The following ARHGEF38 variants were observed in gnomAD, a reference collection of about 807,000 sequenced individuals.
ARHGEF38 encodes the protein Rho guanine nucleotide exchange factor (GEF) 38.
In ARHGEF38, 79 loss-of-function variants were observed where a neutral mutation model predicts 79.9. The observed-to-expected ratio is 0.99, with a 90% confidence interval of 0.82 to 1.19. The LOEUF is 1.19. Ranked by LOEUF, ARHGEF38 falls within the 50% of genes most tolerant of loss-of-function variation. ARHGEF38 has a pLI of 0.00. For missense variants in ARHGEF38, 962 were observed against 907.2 expected, an observed-to-expected ratio of 1.06 and a Z score of -0.78; for synonymous variants, 366 against 328.3, an observed-to-expected ratio of 1.11 and a Z score of -1.24.
chr4:105,556,137 G>A (rs1725240698), intron 1 of ARHGEF38, among the ~76,000 whole-genome samples: 1 of 152,078 alleles, frequency 6.6e-6, no homozygotes, highest in Non-Finnish European at 1.5e-5. Flanking sequence ...CTTGTTCTTT[G>A]AAATTAATTT....
Position 105,667,396 on chromosome 4 carries a change from G to A in ARHGEF38, c.1889-48G>A, listed in dbSNP as rs1050851966. ...TTTTCTGAGGGCACATGTTTGGGAA[G>A]AGTATACCCATGAACTTGGTTCTTC... On this transcript the variant is annotated intron_variant, in intron 12 of 13. Coordinates refer to ENST00000420470, the MANE Select transcript of ARHGEF38 (RefSeq NM_001242729.2). 1.4e-5 allele frequency: 22 copies of A among 1,533,946 alleles called. No homozygotes were observed. The African/African-American group carries it at 2.9e-4, about 20-fold the overall frequency.
chr4:105,593,127 T>A (rs1727417775), intron 2 of ARHGEF38, among the ~76,000 whole-genome samples: 1 of 152,190 alleles, frequency 6.6e-6, no homozygotes, highest in African/African-American at 2.4e-5. Context: ...TATTTTAAAA[T>A]TAAATATAAA....
intron 13 of ARHGEF38, among the ~76,000 whole-genome samples, chr4:105,668,650 A>G (rs1037655639): frequency 1.4e-5 from 2 of 147,062 alleles, no homozygotes; most frequent in African/African-American, 2.5e-5. Flanking sequence ...GAGGTTATGT[A>G]TATGTATATG....
In ARHGEF38 at chr4:105,557,964, T is replaced by C. The variant is rs191160337; in HGVS notation, c.196+5003T>C. On this transcript the variant is annotated intron_variant, in intron 1 of 13. Transcript: ENST00000420470. ...AGGTGAGAATACATGGGTAAAATGC[T>C]ATTACCCATTACCACTGCCGGTAAC... 1.2e-3 allele frequency among the ~76,000 whole-genome samples: 190 copies of C among 152,304 alleles called. 1 individual carries two copies. The highest frequency in any genetic ancestry group is 5.0e-3 in the East Asian group (26 of 5,182).
At chr4:105,562,149 A>C (rs1453868165) in intron 1 of ARHGEF38, among the ~76,000 whole-genome samples, 1 of 152,194 alleles carries the variant, frequency 6.6e-6, no homozygotes, top group African/African-American at 2.4e-5. Flanking sequence ...GCTATTGAGC[A>C]TCTCCAGCTC....
At chr4:105,558,035 C>T (rs17035775) in intron 1 of ARHGEF38, among the ~76,000 whole-genome samples, 13,142 of 152,046 alleles carry the variant, frequency 0.086, 1,013 homozygotes, top group African/African-American at 0.21. Flanking sequence ...TCTGTGGTAC[C>T]TTCTATTTTT....
At position 105,677,918 on chromosome 4, in the gene ARHGEF38, GA is replaced by G; in HGVS notation, c.2318del (p.Lys773ArgfsTer2). On this transcript the variant is annotated frameshift_variant, in exon 14 of 14. Coordinates refer to ENST00000420470, the MANE Select transcript of ARHGEF38 (RefSeq NM_001242729.2). LOFTEE classifies it high-confidence loss of function. ...GGATACGTGCCAGCTAACTACCTTG[GA>G]AAGATGACTTATGCTTAAGAAAATA... ...QKGYVPANYL[G>X]KMTYA 3 of 1,524,540 alleles carry G rather than the reference GA, an allele frequency of 2.0e-6. No homozygotes were observed. Among genetic ancestry groups the G allele is most frequent in the Non-Finnish European group, 2.6e-6 (3 of 1,139,770 alleles). 94.4% of individuals were successfully genotyped at this position (1,524,540 alleles called of 1,614,324 possible).
chr4:105,673,411 A>G (rs1391161900), intron 13 of ARHGEF38, among the ~76,000 whole-genome samples: 3 of 152,178 alleles, frequency 2.0e-5, no homozygotes, highest in Admixed American at 6.5e-5. Context: ...CATAAGTAAT[A>G]TTGAAAATAT....
intron 1 of ARHGEF38, among the ~76,000 whole-genome samples, chr4:105,575,366 G>A (rs1331146182): frequency 6.6e-6 from 1 of 152,084 alleles, no homozygotes; most frequent in Non-Finnish European, 1.5e-5. Flanking sequence ...GAGTAAGATG[G>A]TATCCCATTG....
Position 105,648,666 on chromosome 4 carries a change from C to A in ARHGEF38, c.992C>A (p.Thr331Asn), listed in dbSNP as rs1214279066. The change falls in exon 7 of 14, where the codon ACC (threonine) becomes AAC (asparagine). Residue 331 changes from threonine to asparagine, a missense_variant. Physicochemically the swap from Thr to Asn is moderately conservative, Grantham distance 65. Coordinates refer to ENST00000420470, the MANE Select transcript of ARHGEF38 (RefSeq NM_001242729.2). ...KRVTNHLKILTRGESQVKDNT... is the reference protein window; with the variant it reads ...KRVTNHLKILNRGESQVKDNT... The stretch of plus-strand genomic sequence containing the variant: ...GTGACAAATCATCTGAAGATTCTGA[C>A]CAGAGGAGAATCACAGGTAATTTTT... 6.6e-7 allele frequency: 1 copy of A among 1,523,092 alleles called. No homozygotes were observed. The highest frequency in any genetic ancestry group is 1.2e-5 in the South Asian group (1 of 81,916). 94.3% of individuals were successfully genotyped at this position (1,523,092 alleles called of 1,614,324 possible).
intron 4 of ARHGEF38, among the ~76,000 whole-genome samples, chr4:105,632,173 T>A (rs1261337623): frequency 6.6e-6 from 1 of 152,220 alleles, no homozygotes; most frequent in Non-Finnish European, 1.5e-5. Context: ...AGTGAATTTT[T>A]TTTTTAAATA....
intron 3 of ARHGEF38, among the ~76,000 whole-genome samples, chr4:105,617,142 C>A (rs1225178508): frequency 2.0e-5 from 3 of 152,060 alleles, no homozygotes; most frequent in African/African-American, 7.2e-5. Flanking sequence ...TTCACAGAAC[C>A]AAAGAAAAGC....
chr4:105,648,430 C>A, intron 6 of ARHGEF38, 119 bp from the exon 7 acceptor site: 2 of 958,922 alleles, frequency 2.1e-6, no homozygotes, highest in Non-Finnish European at 2.9e-6. Context: ...GCAGCAGAGG[C>A]TCAAAAATCA....
chr4:105,598,084 T>C (rs1277125438), intron 2 of ARHGEF38, among the ~76,000 whole-genome samples: 1 of 152,212 alleles, frequency 6.6e-6, no homozygotes, highest in African/African-American at 2.4e-5. Flanking sequence ...CATTCGGTTG[T>C]TTGGAAGAAA....
rs150437901 is a variant in ARHGEF38 at position 105,657,051 on chromosome 4, TGATA to T, written c.1233+1351_1233+1354del. On this transcript the variant is annotated intron_variant, in intron 9 of 13. Transcript: ENST00000420470. ...GATGATAGATAGATAGATAGATAGA[TGATA>T]GATAGATAGATAGATAGATAGTTTT... Among the ~76,000 whole-genome samples, 809 of 151,188 alleles carry T rather than the reference TGATA, an allele frequency of 5.4e-3. 4 individuals are homozygous for T. Among genetic ancestry groups the T allele is most frequent in the South Asian group, 0.021 (101 of 4,776 alleles).
intron 1 of ARHGEF38, among the ~76,000 whole-genome samples, chr4:105,559,304 C>A (rs565865734): frequency 6.6e-6 from 1 of 152,154 alleles, no homozygotes; most frequent in Non-Finnish European, 1.5e-5. Context: ...CTGGCTCCAA[C>A]ATTTGCTTGG....
intron 13 of ARHGEF38, among the ~76,000 whole-genome samples, chr4:105,668,689 GA>G (rs1330901870): frequency 4.0e-5 from 6 of 151,532 alleles, no homozygotes; most frequent in African/African-American, 1.2e-4. Context: ...TAGATAGATA[GA>G]TAGATAGATA....
At chr4:105,648,399 G>C in intron 6 of ARHGEF38, 150 bp from the exon 7 acceptor site, 1 of 566,050 alleles carries the variant, frequency 1.8e-6, no homozygotes. Flanking sequence ...GTGGACAGTG[G>C]GGCTGGAGCA....
intron 1 of ARHGEF38, among the ~76,000 whole-genome samples, chr4:105,576,379 A>G (rs1326807871): frequency 6.9e-6 from 1 of 144,884 alleles, no homozygotes; most frequent in African/African-American, 2.5e-5. Context: ...GGTTAAGTAT[A>G]TTCTTAGTTA....
Sources: allele counts gnomAD v4.1 joint callset (sites outside exome capture counted in the v4.1 genomes callset), GRCh38; gene constraint gnomAD v4.1.1; transcripts MANE v1.5; gene names NCBI Gene and HGNC (gene_info 2026-07-23, HGNC 2026-07-21).